The following NEBL variants were observed in gnomAD, a reference collection of about 807,000 sequenced individuals.
NEBL encodes the protein LIM and SH3 protein 2.
NEBL carries 122 observed loss-of-function variants against 140.2 expected under a neutral mutation model. That is an observed-to-expected ratio of 0.87 (90% CI 0.75 to 1.01). The LOEUF (loss-of-function observed/expected upper bound fraction) is 1.01. Ranked by LOEUF, NEBL falls within the 50% of genes least tolerant of loss-of-function variation. The pLI is 0.00. For synonymous variants in NEBL, 436 were observed against 398.9 expected (o/e 1.09, Z -1.11); for missense variants, 1,365 against 1,231.3 (o/e 1.11, Z -1.62).
intron 2 of NEBL, among the ~76,000 whole-genome samples, chr10:21,056,093 A>T (rs1160159160): frequency 1.3e-5 from 2 of 152,204 alleles, no homozygotes; most frequent in Non-Finnish European, 2.9e-5. Context: ...GCTCTGACAC[A>T]GGCTAGACAC....
chr10:20,961,638 G>A (rs11012420), intron 4 of NEBL: 3 of 1,426,432 alleles, frequency 2.1e-6, no homozygotes, highest in African/African-American at 2.8e-5. Context: ...ATGCACATCA[G>A]AGCCATCATG....
At chr10:20,923,695 A>AAAAAAAAAAAAAC (rs1833721859) in intron 4 of NEBL, among the ~76,000 whole-genome samples, 1 of 148,058 alleles carries the variant, frequency 6.8e-6, no homozygotes, top group Non-Finnish European at 1.5e-5. Flanking sequence ...AAAAAAAAAA[A>AAAAAAAAAAAAAC]AGAAATGGTT....
At chr10:20,819,959 CT>C in intron 19 of NEBL, among the ~76,000 whole-genome samples, 1 of 152,238 alleles carries the variant, frequency 6.6e-6, no homozygotes, top group East Asian at 1.9e-4. Flanking sequence ...GGTGGCCTCT[CT>C]GAGTTTGATC....
chr10:20,942,937 C>A (rs1440764006), intron 4 of NEBL, among the ~76,000 whole-genome samples: 1 of 152,148 alleles, frequency 6.6e-6, no homozygotes, highest in Non-Finnish European at 1.5e-5. Context: ...AGTCAGGAAA[C>A]AACAGGTGCT....
At chr10:20,915,882 C>T (rs1564441343) in intron 4 of NEBL, among the ~76,000 whole-genome samples, 1 of 152,178 alleles carries the variant, frequency 6.6e-6, no homozygotes, top group Non-Finnish European at 1.5e-5. Context: ...TGAATTGGAT[C>T]TGCAAGCTAA....
At chr10:20,822,890 T>G (rs1264653997) in intron 19 of NEBL, among the ~76,000 whole-genome samples, 1 of 152,198 alleles carries the variant, frequency 6.6e-6, no homozygotes, top group Non-Finnish European at 1.5e-5. Flanking sequence ...TTACCCTAGA[T>G]AGTGTACATT....
intron 4 of NEBL, among the ~76,000 whole-genome samples, chr10:20,959,195 C>T (rs796389868): frequency 6.6e-6 from 1 of 152,000 alleles, no homozygotes. Flanking sequence ...CAAAGACTGC[C>T]GATCTTAGTT....
At chr10:21,190,752 C>G (rs186961048) in intron 3 of NEBL, among the ~76,000 whole-genome samples, 6 of 152,084 alleles carry the variant, frequency 3.9e-5, no homozygotes, top group African/African-American at 1.4e-4. Context: ...TTGAAATGTC[C>G]TTGTAGAACA....
At chr10:21,212,575 G>A (rs922569605) in intron 3 of NEBL, among the ~76,000 whole-genome samples, 1 of 152,144 alleles carries the variant, frequency 6.6e-6, no homozygotes. Flanking sequence ...CAGAAGCTTC[G>A]GTGAAAGGGG....
At chr10:20,872,587 G>A (rs978533856) in intron 5 of NEBL, among the ~76,000 whole-genome samples, 2 of 152,140 alleles carry the variant, frequency 1.3e-5, no homozygotes, top group Admixed American at 6.5e-5. Context: ...GGTAAAATGA[G>A]GCTGAAACCT....
chr10:21,144,885 A>T (rs1839820184), intron 2 of NEBL, among the ~76,000 whole-genome samples: 1 of 151,976 alleles, frequency 6.6e-6, no homozygotes. Flanking sequence ...CTCTCCTCTC[A>T]ATGAAAAAGT....
At chr10:20,815,086 A>C (rs1269285819) in intron 22 of NEBL, among the ~76,000 whole-genome samples, 1 of 152,220 alleles carries the variant, frequency 6.6e-6, no homozygotes, top group African/African-American at 2.4e-5. Context: ...ACAATTCAGA[A>C]TTGAAGCCCT....
At chr10:20,854,999 C>A (rs181346635) in intron 9 of NEBL, among the ~76,000 whole-genome samples, 1 of 151,914 alleles carries the variant, frequency 6.6e-6, no homozygotes, top group Non-Finnish European at 1.5e-5. Context: ...CAGAGACAGG[C>A]GGATCATGAG....
intron 4 of NEBL, among the ~76,000 whole-genome samples, chr10:20,931,368 T>A (rs1008098033): frequency 6.6e-6 from 1 of 152,242 alleles, no homozygotes; most frequent in Admixed American, 6.5e-5. Flanking sequence ...CATAGAAGAC[T>A]GGAGTTTTAC....
intron 3 of NEBL, among the ~76,000 whole-genome samples, chr10:21,225,821 G>A (rs1842139221): frequency 6.6e-6 from 1 of 152,138 alleles, no homozygotes; most frequent in Non-Finnish European, 1.5e-5. Flanking sequence ...GGAAATGCTA[G>A]CCAAGAGCCA....
chr10:21,269,816 A>G (rs1453269896), intron 1 of NEBL, among the ~76,000 whole-genome samples: 1 of 152,218 alleles, frequency 6.6e-6, no homozygotes, highest in Non-Finnish European at 1.5e-5. Context: ...CTTCCCTACC[A>G]GACTGGGTCT....
intron 2 of NEBL, among the ~76,000 whole-genome samples, chr10:21,108,859 T>C (rs1837839664): frequency 6.6e-6 from 1 of 152,304 alleles, no homozygotes; most frequent in South Asian, 2.1e-4. Flanking sequence ...GGTGCATATA[T>C]ATTTAGGATA....
upstream of NEBL, among the ~76,000 whole-genome samples, chr10:20,900,668 CAA>C (rs113404858): frequency 4.0e-4 from 47 of 118,460 alleles, no homozygotes; most frequent in African/African-American, 9.6e-4. Flanking sequence ...TACTAAAATA[CAA>C]AAAAAAAAAA....
chr10:21,015,832 G>A (rs1023041754), intron 3 of NEBL, among the ~76,000 whole-genome samples: 1 of 152,088 alleles, frequency 6.6e-6, no homozygotes, highest in Non-Finnish European at 1.5e-5. Context: ...TTTTTTAAGG[G>A]GTCTTTCATC....
Sources: allele counts gnomAD v4.1 joint callset (sites outside exome capture counted in the v4.1 genomes callset), GRCh38; gene constraint gnomAD v4.1.1; transcripts MANE v1.5; gene names NCBI Gene and HGNC (gene_info 2026-07-23, HGNC 2026-07-21).